Variants in RABGEF1 observed in about 807,000 individuals in gnomAD.
RABGEF1 encodes rab5 GDP/GTP exchange factor.
In RABGEF1, 26 loss-of-function variants were observed where a neutral mutation model predicts 57.3. The ratio of observed to expected loss-of-function variants is 0.45; its 90% CI spans 0.33 to 0.63. The LOEUF is 0.63. Among genes scored for constraint, RABGEF1 ranks in the 20% least tolerant of loss-of-function variants. The pLI is 0.02. For synonymous variants in RABGEF1, 185 were observed against 210.7 expected (o/e 0.88, Z 1.06); for missense variants, 464 against 607.6 (o/e 0.76, Z 2.48).
intron 2 of RABGEF1, among the ~76,000 whole-genome samples, chr7:66,721,727 G>A (rs1431480520): frequency 1.3e-5 from 2 of 152,132 alleles, no homozygotes; most frequent in Non-Finnish European, 2.9e-5. Context: ...CAGCACTTTG[G>A]GAGGCCAAGG....
intron 2 of RABGEF1, among the ~76,000 whole-genome samples, chr7:66,772,924 AT>A (rs1807526445): frequency 4.6e-5 from 7 of 151,164 alleles, no homozygotes; most frequent in African/African-American, 1.2e-4. Flanking sequence ...AAAAAAATAA[AT>A]AAATAAATAA....
At chr7:66,755,377 A>G (rs1023495227) in intron 1 of RABGEF1, among the ~76,000 whole-genome samples, 8 of 152,168 alleles carry the variant, frequency 5.3e-5, no homozygotes, top group Non-Finnish European at 1.2e-4. Context: ...TGGGAAGCTA[A>G]GGTGGAGAGG....
At chr7:66,666,791 C>T in the RABGEF1 span, among the ~76,000 whole-genome samples, 1 of 152,238 alleles carries the variant, frequency 6.6e-6, no homozygotes, top group Non-Finnish European at 1.5e-5. Context: ...AGCCTCCCAT[C>T]CGGCCCTGGA....
intron 4 of RABGEF1, among the ~76,000 whole-genome samples, chr7:66,789,967 A>G (rs1449485554): frequency 6.6e-6 from 1 of 152,094 alleles, no homozygotes; most frequent in East Asian, 1.9e-4. Flanking sequence ...GAGGACAGAT[A>G]CTCCCTCTAC....
intron 2 of RABGEF1, among the ~76,000 whole-genome samples, chr7:66,772,769 G>A (rs141568177): frequency 4.3e-3 from 653 of 151,920 alleles, no homozygotes; most frequent in African/African-American, 6.3e-3. Context: ...AAAGTTAGCC[G>A]GGCATGGTGG....
chr7:66,678,426 G>A (rs563434182), upstream of RABGEF1, among the ~76,000 whole-genome samples: 11 of 151,896 alleles, frequency 7.2e-5, no homozygotes, highest in South Asian at 2.1e-4. Flanking sequence ...TTAGCCGGGC[G>A]TGGTGGCAGG....
the RABGEF1 span, among the ~76,000 whole-genome samples, chr7:66,662,582 G>A: frequency 6.6e-6 from 1 of 152,194 alleles, no homozygotes; most frequent in African/African-American, 2.4e-5. Context: ...GCTTCCCAAT[G>A]GGTCAGGAGA....
intron 1 of RABGEF1, among the ~76,000 whole-genome samples, chr7:66,749,665 C>A (rs1021986659): frequency 6.6e-6 from 1 of 152,078 alleles, no homozygotes; most frequent in African/African-American, 2.4e-5. Flanking sequence ...CAAAGCAAGA[C>A]TCCATCTCTA....
intron 5 of RABGEF1, among the ~76,000 whole-genome samples, chr7:66,796,108 G>C (rs1813972800): frequency 6.6e-6 from 1 of 152,210 alleles, no homozygotes; most frequent in South Asian, 2.1e-4. Flanking sequence ...CTGCACTCCA[G>C]CCTGGGCAAC....
the RABGEF1 span, among the ~76,000 whole-genome samples, chr7:66,658,177 A>G: frequency 6.6e-6 from 1 of 152,192 alleles, no homozygotes; most frequent in Admixed American, 6.6e-5. Context: ...GAATAACCAA[A>G]TGAAATGGCA....
At chr7:66,677,498 C>T (rs1265026746), upstream of RABGEF1, among the ~76,000 whole-genome samples, 1 of 152,112 alleles carries the variant, frequency 6.6e-6, no homozygotes, top group Non-Finnish European at 1.5e-5. Context: ...CATGGTGGCT[C>T]AAGCCTGTAA....
At chr7:66,694,763 G>T (rs1439213272) in intron 1 of RABGEF1, among the ~76,000 whole-genome samples, 2 of 152,156 alleles carry the variant, frequency 1.3e-5, no homozygotes, top group Admixed American at 1.3e-4. Flanking sequence ...GGAGGGGGAG[G>T]GCGGAGCCTC....
At position 66,781,521 on chromosome 7, in the gene RABGEF1, C is replaced by T. The variant is rs543849417; in HGVS notation, c.347-2154C>T. ...TTAGGTTATCCCTCCCCTTGTCCCC[C>T]ACCACCCAATAGGCCACGGTGTGTG... is the stretch of plus-strand genomic sequence containing the variant. On this transcript the variant is annotated intron_variant, in intron 3 of 8. Coordinates refer to ENST00000284957, the MANE Select transcript of RABGEF1 (RefSeq NM_014504.3). Among the ~76,000 whole-genome samples the T allele has an allele frequency of 1.4e-4, 21 of 152,260 alleles. 1 individual carries two copies. Among genetic ancestry groups the T allele is most frequent in the African/African-American group, 5.1e-4 (21 of 41,546 alleles).
chr7:66,778,571 G>A (rs1395336023), intron 3 of RABGEF1, among the ~76,000 whole-genome samples: 1 of 152,186 alleles, frequency 6.6e-6, no homozygotes, highest in Non-Finnish European at 1.5e-5. Context: ...GAACGGATCT[G>A]AAGACGGTGA....
intron 3 of RABGEF1, among the ~76,000 whole-genome samples, chr7:66,776,335 C>T (rs1808526229): frequency 6.6e-6 from 1 of 152,166 alleles, no homozygotes; most frequent in Non-Finnish European, 1.5e-5. Flanking sequence ...GTGACTTTTG[C>T]TGTTTCCTTT....
At chr7:66,797,926 A>G (rs1463211630) in intron 6 of RABGEF1, among the ~76,000 whole-genome samples, 1 of 152,116 alleles carries the variant, frequency 6.6e-6, no homozygotes, top group Non-Finnish European at 1.5e-5. Context: ...AGAGTAGCCC[A>G]GGCAACGTGG....
chr7:66,799,804 T>C (rs180683316), intron 7 of RABGEF1, among the ~76,000 whole-genome samples: 49 of 152,324 alleles, frequency 3.2e-4, no homozygotes, highest in African/African-American at 1.1e-3. Flanking sequence ...GGAAGGGAAC[T>C]GGTAAGGCAA....
At chr7:66,742,938 G>C (rs1228334822) in intron 1 of RABGEF1, among the ~76,000 whole-genome samples, 1 of 152,162 alleles carries the variant, frequency 6.6e-6, no homozygotes, top group African/African-American at 2.4e-5. Flanking sequence ...GTGCAGGACA[G>C]AGATGTAGGA....
chr7:66,727,402 A>G lies in RABGEF1; in HGVS notation c.-814-12594A>G, dbSNP rs1428735304. 4.6e-5 allele frequency among the ~76,000 whole-genome samples: 7 copies of G among 152,164 alleles called. 1 individual carries two copies. In the South Asian group the frequency reaches 8.3e-4, roughly 18 times the overall value. ...CTCCCTGGCCACCCCATCCCATGGC[A>G]TTGCCTTCCCTTTGAAAGTTTGTCC... On this transcript the variant is annotated intron_variant and NMD_transcript_variant, in intron 2 of 9. Coordinates refer to the RABGEF1 transcript ENST00000607882.
Sources: allele counts gnomAD v4.1 joint callset (sites outside exome capture counted in the v4.1 genomes callset), GRCh38; gene constraint gnomAD v4.1.1; transcripts MANE v1.5; gene names NCBI Gene and HGNC (gene_info 2026-07-23, HGNC 2026-07-21).